CXADR: variants seen among roughly 807,000 people sequenced by gnomAD.
CXADR encodes the protein coxsackievirus and adenovirus receptor.
Under a neutral mutation model 40.3 loss-of-function variants are expected in CXADR, and 20 were observed. The ratio of observed to expected loss-of-function variants is 0.50; its 90% CI spans 0.35 to 0.72. The LOEUF (loss-of-function observed/expected upper bound fraction) is 0.72, where lower values mean the gene tolerates loss of function less well. Ranked by LOEUF, CXADR falls within the 30% of genes least tolerant of loss-of-function variation. The probability of loss-of-function intolerance (pLI) is 0.01; values close to 1 mark genes in which losing one functional copy is unlikely to be tolerated. For missense variants in CXADR, 332 were observed against 449.1 expected (o/e 0.74, Z 2.36); for synonymous variants, 150 against 161.3 (o/e 0.93, Z 0.53).
chr21:17,561,819 C>G (rs780505833), intron 6 of CXADR, among the ~76,000 whole-genome samples: 3 of 152,058 alleles, frequency 2.0e-5, no homozygotes, highest in Non-Finnish European at 2.9e-5. Flanking sequence ...CTGATTGTAT[C>G]AAGTAATCTG....
downstream of CXADR, chr21:17,598,576 C>T (rs2061533126): frequency 1.3e-6 from 2 of 1,553,936 alleles, no homozygotes; most frequent in Non-Finnish European, 1.8e-6. Context: ...TCCTGGCAAT[C>T]CCTGCACATC....
In CXADR at chr21:17,560,510, A is replaced by T. The variant is rs192919813; in HGVS notation, c.572-192A>T. Among the ~76,000 whole-genome samples the T allele has an allele frequency of 2.8e-4, 42 of 152,286 alleles. No homozygotes were observed. In the East Asian group the frequency reaches 5.6e-3, roughly 20 times the overall value. ...GGGGATCATGGTTACTTTCACCTTG[A>T]TACATGTGAACTGGAAGCATGATTG... On this transcript the variant is annotated intron_variant, in intron 4 of 6. Coordinates refer to ENST00000284878, the MANE Select transcript of CXADR (RefSeq NM_001338.5).
In CXADR at chr21:17,513,069, G is replaced by T; in HGVS notation, c.-61G>T. ...GTCGGGAGCGCGCGAGGCGCGGGGA[G>T]CCTGGGACCAGGAGCGAGAGCCGCC... On this transcript the variant is annotated 5_prime_UTR_variant, in exon 1 of 7. Coordinates refer to ENST00000284878, the MANE Select transcript of CXADR (RefSeq NM_001338.5). 1 of 1,321,248 alleles carries T rather than the reference G, an allele frequency of 7.6e-7. No individual in the cohort carries two copies. Among genetic ancestry groups the T allele is most frequent in the Non-Finnish European group, 9.7e-7 (1 of 1,030,368 alleles). 81.8% of individuals were successfully genotyped at this position (1,321,248 alleles called of 1,614,324 possible).
intron 1 of CXADR, among the ~76,000 whole-genome samples, chr21:17,534,100 ATTTTTT>A (rs1157117899): frequency 2.3e-4 from 14 of 60,068 alleles, no homozygotes; most frequent in African/African-American, 9.8e-4. Flanking sequence ...ATATATATAT[ATTTTTT>A]TTTTTTTTTT....
intron 1 of CXADR, among the ~76,000 whole-genome samples, chr21:17,522,766 A>G (rs1457249734): frequency 6.6e-6 from 1 of 152,124 alleles, no homozygotes; most frequent in Admixed American, 6.6e-5. Context: ...TTCTCAGTTT[A>G]TGGGTGCAGT....
chr21:17,620,432 C>T, the CXADR span, among the ~76,000 whole-genome samples: 3 of 152,214 alleles, frequency 2.0e-5, no homozygotes, highest in Admixed American at 2.0e-4. Context: ...CATGGCACCT[C>T]ATAACAATCA....
chr21:17,547,336 G>A, intron 2 of CXADR, 143 bp downstream of exon 2: 4 of 1,150,976 alleles, frequency 3.5e-6, no homozygotes, highest in Non-Finnish European at 4.8e-6. Context: ...TCTGGGTGAG[G>A]AAGGCAATTG....
chr21:17,582,007 C>A (rs1188968626), intron 7 of CXADR, among the ~76,000 whole-genome samples: 2 of 68,324 alleles, frequency 2.9e-5, no homozygotes. Flanking sequence ...GTGGCACAAT[C>A]TCGGCTCACT....
At chr21:17,520,186 T>G (rs547381642) in intron 1 of CXADR, among the ~76,000 whole-genome samples, 1 of 152,302 alleles carries the variant, frequency 6.6e-6, no homozygotes, top group Admixed American at 6.5e-5. Context: ...TACTACTATG[T>G]GCAAAGCCAT....
Position 17,531,312 on chromosome 21 carries a change from GAAAAGAA to G in CXADR, c.44-15706_44-15700del, listed in dbSNP as rs201423835. Among the ~76,000 whole-genome samples, 667 of 149,400 alleles carry G rather than the reference GAAAAGAA, an allele frequency of 4.5e-3. 6 individuals carry two copies. The highest frequency in any genetic ancestry group is 0.015 in the African/African-American group (621 of 40,264). On this transcript the variant is annotated intron_variant, in intron 1 of 6. Coordinates refer to ENST00000284878, the MANE Select transcript of CXADR (RefSeq NM_001338.5). ...AGACTCTGTCTCAAAAAAAAAAAAA[GAAAAGAA>G]AAAAGAAAGTTAAGAAAGTTCCAGT...
At chr21:17,590,012 A>G (rs1196299960) in intron 7 of CXADR, among the ~76,000 whole-genome samples, 3 of 152,138 alleles carry the variant, frequency 2.0e-5, no homozygotes, top group Non-Finnish European at 4.4e-5. Context: ...ATGATCCATT[A>G]AACCTCTAGT....
downstream of CXADR, among the ~76,000 whole-genome samples, chr21:17,572,530 A>G (rs144789799): frequency 2.5e-3 from 376 of 152,014 alleles, 3 homozygotes; most frequent in African/African-American, 8.5e-3. Context: ...TGTAAGAAGC[A>G]TTTCAGAAAT....
intron 1 of CXADR, chr21:17,527,243 C>T (rs1180905596): frequency 6.6e-6 from 1 of 152,078 alleles, no homozygotes; most frequent in Non-Finnish European, 1.5e-5. Flanking sequence ...ACTTTTAGAC[C>T]AACCAAGAAG....
intron 7 of CXADR, among the ~76,000 whole-genome samples, chr21:17,586,769 G>A (rs899042310): frequency 1.3e-5 from 2 of 151,912 alleles, no homozygotes; most frequent in African/African-American, 2.4e-5. Context: ...TTAAGTTTTA[G>A]GGTACATGTG....
At position 17,568,207 on chromosome 21, in the gene CXADR, C is replaced by T. The variant is rs528988506; in HGVS notation, c.*2515C>T. ...GCAGTGGCGGGATCTCGGCTCACTG[C>T]AAGCTCCGCCTCCCAGGTTCACGCC... On this transcript the variant is annotated 3_prime_UTR_variant, in exon 7 of 7. Transcript: ENST00000284878. 68 of 934,564 alleles carry T rather than the reference C, an allele frequency of 7.3e-5. 1 individual carries two copies. The South Asian group carries it at 2.2e-3, about 31-fold the overall frequency. The allele number at this position is 934,564 out of a possible 1,614,324, so 57.9% of individuals were successfully genotyped here.
rs1292875685 is a variant in CXADR at position 17,568,248 on chromosome 21, C to G, written c.*2556C>G. 8.8e-5 allele frequency: 77 copies of G among 877,234 alleles called. No homozygotes were observed. Among genetic ancestry groups the G allele is most frequent in the Non-Finnish European group, 1.1e-4 (77 of 732,348 alleles). The allele number at this position is 877,234 out of a possible 1,614,324, so 54.3% of individuals were successfully genotyped here. A position where few individuals can be genotyped will look rare whatever the true frequency, so the allele number is the denominator to read the frequency against. On this transcript the variant is annotated 3_prime_UTR_variant, in exon 7 of 7. Transcript: ENST00000284878. ...GGTTCACGCCATTCTCCTGCCTCAG[C>G]CTCCCGAGCAGCTGGGACTACAGGC... is the stretch of plus-strand genomic sequence containing the variant.
downstream of CXADR, chr21:17,598,557 C>T: frequency 7.0e-7 from 1 of 1,438,418 alleles, no homozygotes; most frequent in Non-Finnish European, 9.6e-7. Flanking sequence ...AGTAGGACTA[C>T]CTGAAAGGTC....
At chr21:17,538,147 A>G (rs1433887466) in intron 1 of CXADR, among the ~76,000 whole-genome samples, 1 of 152,060 alleles carries the variant, frequency 6.6e-6, no homozygotes, top group East Asian at 1.9e-4. Context: ...GACCGTAGGC[A>G]TGTGCCACCA....
intron 1 of CXADR, among the ~76,000 whole-genome samples, chr21:17,524,355 C>A (rs952966644): frequency 6.6e-6 from 1 of 151,296 alleles, no homozygotes; most frequent in African/African-American, 2.4e-5. Flanking sequence ...TGAGGTCAGG[C>A]ATTCGAGACC....
Sources: allele counts gnomAD v4.1 joint callset (sites outside exome capture counted in the v4.1 genomes callset), GRCh38; gene constraint gnomAD v4.1.1; transcripts MANE v1.5; gene names NCBI Gene and HGNC (gene_info 2026-07-23, HGNC 2026-07-21).